The following ZAN variants were observed in gnomAD, a reference collection of about 807,000 sequenced individuals.
ZAN encodes the protein zonadhesin, also known as zonadhesin (gene/pseudogene).
Under a neutral mutation model 286.2 loss-of-function variants are expected in ZAN, and 260 were observed. The observed-to-expected ratio is 0.91, with a 90% CI of 0.82 to 1.01. ZAN has a LOEUF of 1.01. Ranked by LOEUF, ZAN falls within the 50% of genes least tolerant of loss-of-function variation. The pLI, the probability that ZAN is intolerant of heterozygous loss-of-function variation, is 0.00. For missense variants in ZAN, 3,410 were observed against 3,639.2 expected (o/e 0.94, Z 1.62); for synonymous variants, 1,368 against 1,417.5 (o/e 0.97, Z 0.79).
Position 100,773,780 on chromosome 7 carries a change from C to T in ZAN, c.5694C>T (p.His1898=). 1 of 1,612,358 alleles carries T rather than the reference C, an allele frequency of 6.2e-7. No homozygotes were observed. The highest frequency in any genetic ancestry group is 8.5e-7 in the Non-Finnish European group (1 of 1,179,184). The change falls in exon 31 of 48, where the codon CAC becomes CAT. Residue 1898 remains histidine, a synonymous_variant. Coordinates refer to ENST00000613979, the MANE Select transcript of ZAN (RefSeq NM_003386.3). ...TCTRLCTCSV[H]NNITCFQSTC... ...CCAGGCTCTGCACCTGCTCCGTCCACAACAACATCACCTGCTTCCAGAGCA... is the reference window on the plus strand; with the variant it reads ...CCAGGCTCTGCACCTGCTCCGTCCATAACAACATCACCTGCTTCCAGAGCA...
In ZAN at chr7:100,773,350, A is replaced by T; in HGVS notation, c.5491A>T (p.Ser1831Cys). 6.2e-7 allele frequency: 1 copy of T among 1,613,980 alleles called. No homozygotes were observed. The highest frequency in any genetic ancestry group is 1.1e-5 in the South Asian group (1 of 91,084). ...CSSPCPDTCS[S>C]INNPRDCPKA... ...CAGCCCCTGCCCAGACACCTGCAGC[A>T]GCATAAACAACCCGAGGGACTGCCC... Residue 1831 changes from serine (S) to cysteine (C), a missense_variant, in exon 30 of 48, where the codon AGC becomes TGC. Transcript: ENST00000613979.
chr7:100,752,707 C>CA lies in ZAN; in HGVS notation c.2602_2603insA (p.Pro868HisfsTer23). 1 of 1,344,394 alleles carries CA rather than the reference C, an allele frequency of 7.4e-7. No individual in the cohort carries two copies. The highest frequency in any genetic ancestry group is 3.0e-5 in the East Asian group (1 of 33,484). 83.3% of individuals were successfully genotyped at this position (1,344,394 alleles called of 1,614,324 possible). On this transcript the variant is annotated frameshift_variant, in exon 14 of 48. Transcript: ENST00000613979. LOFTEE classifies it high-confidence loss of function. ...CCCCACAGAAAAACCCACCATCTCC[C>CA]CAGAAAAACTCACCATCCCCACGGA...
chr7:100,764,865 C>A (rs911151007), intron 22 of ZAN, among the ~76,000 whole-genome samples: 1 of 151,766 alleles, frequency 6.6e-6, no homozygotes, highest in Non-Finnish European at 1.5e-5. Flanking sequence ...GCAGTGAGAG[C>A]GAAACTCTGT....
intron 42 of ZAN, 141 bp from the exon 43 acceptor site, chr7:100,793,679 C>T (rs1270913892): frequency 3.4e-5 from 28 of 818,104 alleles, no homozygotes; most frequent in Non-Finnish European, 4.7e-5. Flanking sequence ...TTCAGGTGAT[C>T]CACCTGCCTC....
chr7:100,767,691 C>G, intron 25 of ZAN, 140 bp from the exon 26 acceptor site: 1 of 949,970 alleles, frequency 1.1e-6, no homozygotes, highest in Non-Finnish European at 1.5e-6. Context: ...GTTGCCCAGG[C>G]TGATCTCGAG....
intron 15 of ZAN, among the ~76,000 whole-genome samples, chr7:100,755,973 C>T (rs1432002556): frequency 1.3e-5 from 2 of 152,148 alleles, no homozygotes; most frequent in Admixed American, 1.3e-4. Context: ...TCACTACAAC[C>T]TCCACCTCCC....
In ZAN at chr7:100,793,853, G is replaced by A; in HGVS notation, c.7821G>A (p.Glu2607=). The change falls in exon 43 of 48, where the codon GAG becomes GAA. Residue 2607 remains glutamate (E), a synonymous_variant. Transcript: ENST00000613979. ...HGVSSRYHIS[E]LYDTLPSILC... Reference sequence around the variant, plus strand: ...TGTCCAGCAGGTACCATATATCAGAGCTGTATGACACCCTGCCCAGCATCC... The same window carrying A: ...TGTCCAGCAGGTACCATATATCAGAACTGTATGACACCCTGCCCAGCATCC... 6.2e-7 allele frequency: 1 copy of A among 1,612,012 alleles called. No homozygotes were observed. Among genetic ancestry groups the A allele is most frequent in the Non-Finnish European group, 8.5e-7 (1 of 1,178,710 alleles).
intron 40 of ZAN, among the ~76,000 whole-genome samples, chr7:100,791,693 C>T (rs1436820620): frequency 6.6e-6 from 1 of 152,150 alleles, no homozygotes; most frequent in East Asian, 1.9e-4. Context: ...AGGTGTGAGC[C>T]ACCACACCCA....
At chr7:100,755,774 G>A (rs942236663) in intron 15 of ZAN, among the ~76,000 whole-genome samples, 3 of 152,090 alleles carry the variant, frequency 2.0e-5, no homozygotes, top group African/African-American at 7.2e-5. Context: ...GTTTCACCAC[G>A]TTGCCCAGGC....
At chr7:100,790,819 G>T (rs1313081293) in intron 39 of ZAN, 123 bp from the exon 40 acceptor site, 2 of 1,085,364 alleles carry the variant, frequency 1.8e-6, no homozygotes, top group Admixed American at 2.9e-5. Context: ...GGAGGCGGAG[G>T]TTGCAGTGAG....
chr7:100,761,283 C>A (rs1809558904), intron 19 of ZAN, among the ~76,000 whole-genome samples: 1 of 152,140 alleles, frequency 6.6e-6, no homozygotes, highest in South Asian at 2.1e-4. Context: ...ACGGGAGAAT[C>A]CCTTGGGGCC....
intron 7 of ZAN, among the ~76,000 whole-genome samples, chr7:100,745,062 T>C (rs868483853): frequency 6.6e-6 from 1 of 151,560 alleles, no homozygotes. Flanking sequence ...TTTTGTACTT[T>C]TAGTAGAGAC....
In ZAN at chr7:100,755,264, T is replaced by C; in HGVS notation, c.3163T>C (p.Cys1055Arg). Residue 1055 changes from cysteine (C) to arginine (R), a missense_variant, in exon 15 of 48, where the codon TGT becomes CGT. Cys to Arg is a radical substitution (Grantham distance 180). Coordinates refer to ENST00000613979, the MANE Select transcript of ZAN (RefSeq NM_003386.3). ...AAATGCCCGCTACGAATCCTGTGCTTGTCCTGCTTCGTGCAAGAGCCCCAG... is the reference window on the plus strand; with the variant it reads ...AAATGCCCGCTACGAATCCTGTGCTCGTCCTGCTTCGTGCAAGAGCCCCAG... ...PPNARYESCA[C>R]PASCKSPRPS... is the part of the protein sequence containing the mutation. 2 of 1,613,826 alleles carry C rather than the reference T, an allele frequency of 1.2e-6. No individual in the cohort carries two copies. Among genetic ancestry groups the C allele is most frequent in the East Asian group, 2.2e-5 (1 of 44,874 alleles).
Position 100,734,804 on chromosome 7 carries a change from G to A in ZAN, c.53+583G>A, listed in dbSNP as rs1167442483. Among the ~76,000 whole-genome samples the A allele has an allele frequency of 2.8e-5, 4 of 140,352 alleles. 1 individual carries two copies. The highest frequency in any genetic ancestry group is 4.8e-5 in the Non-Finnish European group (3 of 62,770). 92.1% of individuals were successfully genotyped at this position (140,352 alleles called of 152,430 possible). A position where few individuals can be genotyped will look rare whatever the true frequency, so the allele number is the denominator to read the frequency against. Reference sequence around the variant, plus strand: ...GACAGATCTAAGCCTAGGAGAGAAGGATTGAGGGGTCAGGCCCTCAGGAAA... The same window carrying A: ...GACAGATCTAAGCCTAGGAGAGAAGAATTGAGGGGTCAGGCCCTCAGGAAA... On this transcript the variant is annotated intron_variant, in intron 2 of 47. Coordinates refer to ENST00000613979, the MANE Select transcript of ZAN (RefSeq NM_003386.3).
At chr7:100,753,832 TAAA>T (rs59347418) in intron 14 of ZAN, among the ~76,000 whole-genome samples, 5 of 73,182 alleles carry the variant, frequency 6.8e-5, no homozygotes, top group Admixed American at 1.8e-4. Flanking sequence ...GACATCGTCC[TAAA>T]AAAAAAAAAA....
At chr7:100,744,400 A>G (rs13231109) in intron 7 of ZAN, among the ~76,000 whole-genome samples, 3 of 148,876 alleles carry the variant, frequency 2.0e-5, no homozygotes, top group Non-Finnish European at 4.5e-5. Context: ...GGAGTCCGAG[A>G]CCAGCCTGGC....
chr7:100,752,036 C>T lies in ZAN; in HGVS notation c.1931C>T (p.Ser644Leu), dbSNP rs1249444138. The stretch of plus-strand genomic sequence containing the variant: ...CCCTCAGAAAAACCCACCATTCCCT[C>T]AGAAAAACCCACCATTTCCACAGAA... ...TIPSEKPTIPSEKPTISTEKP... is the reference protein window; with the variant it reads ...TIPSEKPTIPLEKPTISTEKP... Residue 644 changes from serine to leucine, a missense_variant, in exon 14 of 48, where the codon TCA (serine) becomes TTA (leucine). Ser to Leu is a moderately radical substitution (Grantham distance 145). Around this residue, in one of 7 missense-constraint regions of ZAN, gnomAD observed 872 missense variants for 938.9 expected, o/e 0.93. Transcript: ENST00000613979. 2 of 1,613,014 alleles carry T rather than the reference C, an allele frequency of 1.2e-6. No homozygotes were observed. Among genetic ancestry groups the T allele is most frequent in the East Asian group, 4.5e-5 (2 of 44,840 alleles).
chr7:100,773,814 C>T lies in ZAN; in HGVS notation c.5728C>T (p.Pro1910Ser). 1 of 1,611,628 alleles carries T rather than the reference C, an allele frequency of 6.2e-7. No homozygotes were observed. Among genetic ancestry groups the T allele is most frequent in the Non-Finnish European group, 8.5e-7 (1 of 1,179,172 alleles). Residue 1910 changes from proline to serine, a missense_variant, in exon 31 of 48, where the codon CCC becomes TCC. This residue lies in a region of ZAN where 1,289 missense variants were observed against 1,314.3 expected (regional missense o/e 0.98). Coordinates refer to ENST00000613979, the MANE Select transcript of ZAN (RefSeq NM_003386.3). Reference sequence around the variant, plus strand: ...CACCTGCTTCCAGAGCACCTGCAAACCCAACCAGATATGCTGGGCCCTGGA... The same window carrying T: ...CACCTGCTTCCAGAGCACCTGCAAATCCAACCAGATATGCTGGGCCCTGGA... ...NITCFQSTCKPNQICWALDGL... is the reference protein window; with the variant it reads ...NITCFQSTCKSNQICWALDGL...
chr7:100,764,452 G>A (rs950939339), intron 22 of ZAN, among the ~76,000 whole-genome samples: 17 of 148,080 alleles, frequency 1.1e-4, no homozygotes, highest in South Asian at 6.5e-4. Flanking sequence ...CCGAGATTGC[G>A]CCACTGCACT....
Sources: gnomAD v4.1 joint callset for allele counts (sites outside exome capture counted in the v4.1 genomes callset) on GRCh38, gnomAD v4.1.1 for gene constraint, gnomAD v4.1.1 regional missense constraint, MANE v1.5 for transcripts, NCBI Gene and HGNC (gene_info 2026-07-23, HGNC 2026-07-21) for gene names.